PTBP1: variants seen among roughly 807,000 people sequenced by gnomAD.
PTBP1 encodes polypyrimidine tract binding protein 1.
A neutral mutation model predicts 59.8 loss-of-function variants in PTBP1; 8 were observed. The ratio of observed to expected loss-of-function variants is 0.13; its 90% confidence interval spans 0.08 to 0.24. The LOEUF is 0.24. PTBP1 is among the 10% of genes least tolerant of loss of function. PTBP1 has a pLI of 1.00. For missense variants in PTBP1, 686 were observed against 767.0 expected (o/e 0.89, Z 1.25); for synonymous variants, 490 against 320.7 (o/e 1.53, Z -5.64).
At chr19:803,763 C>T in intron 3 of PTBP1, 127 bp downstream of exon 3, 1 of 904,620 alleles carries the variant, frequency 1.1e-6, no homozygotes, top group Non-Finnish European at 1.7e-6. Context: ...GCTACAGACC[C>T]AGGTCCAAGT....
intron 13 of PTBP1, among the ~76,000 whole-genome samples, chr19:809,360 G>T (rs2034744078): frequency 6.6e-6 from 1 of 151,578 alleles, no homozygotes; most frequent in East Asian, 1.9e-4. Context: ...GTCACGCTCT[G>T]TCGCCCAGGC....
At chr19:806,943 A>G (rs1270308765) in intron 10 of PTBP1, 1 of 175,284 alleles carries the variant, frequency 5.7e-6, no homozygotes, top group Middle Eastern at 2.4e-3. Flanking sequence ...AGAGCCTGTC[A>G]CTTAACTGGT....
chr19:797,455 C>T lies in PTBP1; in HGVS notation c.-43C>T. The stretch of plus-strand genomic sequence containing the variant: ...AGCCGTTGGGTCGGTTCCTGCTATT[C>T]CGGCGCCTCCACTCCGTCCCCCGCG... On this transcript the variant is annotated 5_prime_UTR_variant, in exon 1 of 15. Transcript: ENST00000356948. 1 of 1,600,048 alleles carries T rather than the reference C, an allele frequency of 6.2e-7. No homozygotes were observed. Among genetic ancestry groups the T allele is most frequent in the Non-Finnish European group, 8.5e-7 (1 of 1,175,652 alleles).
chr19:806,401 T>C lies in PTBP1; in HGVS notation c.971-7T>C. ...GCCGCCGCTCATCTCACCTCCTGCT[T>C]TTCCAGGCCTTTCCGTTCCGAACGT... is the stretch of plus-strand genomic sequence containing the variant. On this transcript the variant is annotated splice_polypyrimidine_tract_variant and splice_region_variant and intron_variant, in intron 9 of 14. Coordinates refer to ENST00000356948, the MANE Select transcript of PTBP1 (RefSeq NM_002819.5). 6.3e-7 allele frequency: 1 copy of C among 1,597,650 alleles called. No homozygotes were observed. The highest frequency in any genetic ancestry group is 8.5e-7 in the Non-Finnish European group (1 of 1,172,980).
chr19:803,594 A>G lies in PTBP1; in HGVS notation c.73A>G (p.Thr25Ala), dbSNP rs535598760. Residue 25 changes from threonine to alanine, a missense_variant, in exon 3 of 15, where the codon ACT (threonine) becomes GCT (alanine). Thr to Ala is a moderately conservative substitution (Grantham distance 58). Transcript: ENST00000356948. ...GSDELFSTCV[T>A]NGPFIMSSNS... ...TGACGAGCTTTTCTCTACTTGTGTC[A>G]CTAACGGACCGTTTATCATGAGCAG... 2.5e-6 allele frequency: 4 copies of G among 1,614,112 alleles called. No individual in the cohort carries two copies. Among genetic ancestry groups the G allele is most frequent in the African/African-American group, 1.3e-5 (1 of 75,028 alleles).
At position 811,915 on chromosome 19, in the gene PTBP1, GCGC is replaced by G. The variant is rs2034896635; in HGVS notation, c.*1090_*1092del. ...TCTGATGCTGGGACCCGGAAGGCGG[GCGC>G]TCCTCCTGTCTTCTCTGTGCTCTTT... On this transcript the variant is annotated 3_prime_UTR_variant, in exon 15 of 15. Transcript: ENST00000356948. 1 of 127,658 alleles carries G rather than the reference GCGC, an allele frequency of 7.8e-6. No homozygotes were observed. The highest frequency in any genetic ancestry group is 2.7e-5 in the African/African-American group (1 of 37,376). The allele number at this position is 127,658 out of a possible 1,614,324, so 7.9% of individuals were successfully genotyped here.
chr19:802,711 T>C lies in PTBP1; in HGVS notation c.40-850T>C, dbSNP rs960642058. Among the ~76,000 whole-genome samples the C allele has an allele frequency of 3.3e-5, 5 of 152,224 alleles. No homozygotes were observed. The East Asian group carries it at 9.6e-4, about 29-fold the overall frequency. On this transcript the variant is annotated intron_variant, in intron 2 of 14. Transcript: ENST00000356948. Reference sequence around the variant, plus strand: ...TTGTTTTCTGTGTAACTAAGGGCCGTAACCAACGTCTCCTCCAATTTCACT... The same window carrying C: ...TTGTTTTCTGTGTAACTAAGGGCCGCAACCAACGTCTCCTCCAATTTCACT...
At chr19:803,153 C>A (rs2034410570) in intron 2 of PTBP1, among the ~76,000 whole-genome samples, 1 of 152,134 alleles carries the variant, frequency 6.6e-6, no homozygotes, top group Non-Finnish European at 1.5e-5. Context: ...GGGGGGCTGG[C>A]TCCATGGAGG....
Position 804,030 on chromosome 19 carries a change from T to C in PTBP1, c.116-6T>C. On this transcript the variant is annotated splice_region_variant and splice_polypyrimidine_tract_variant and intron_variant, in intron 3 of 14. Transcript: ENST00000356948. ...GTGCCTGCATCTCATGGCACCCCCT[T>C]TTCAGCAAACGGAAATGACAGCAAG... 6.2e-7 allele frequency: 1 copy of C among 1,613,872 alleles called. No individual in the cohort carries two copies. The highest frequency in any genetic ancestry group is 8.5e-7 in the Non-Finnish European group (1 of 1,179,968).
intron 2 of PTBP1, 40 bp downstream of exon 2, chr19:799,483 G>A: frequency 6.2e-7 from 1 of 1,610,400 alleles, no homozygotes; most frequent in Non-Finnish European, 8.5e-7. Context: ...ACGCTCCTCT[G>A]ACCTTGTGCC....
At chr19:800,660 C>T (rs373847768) in intron 2 of PTBP1, among the ~76,000 whole-genome samples, 13 of 152,316 alleles carry the variant, frequency 8.5e-5, no homozygotes, top group East Asian at 1.9e-4. Context: ...TGTCTTTACG[C>T]GCTGCCTGCC....
intron 13 of PTBP1, among the ~76,000 whole-genome samples, chr19:810,061 C>G (rs2034783729): frequency 6.6e-6 from 1 of 152,172 alleles, no homozygotes; most frequent in South Asian, 2.1e-4. Flanking sequence ...CATCCCAGCA[C>G]TTTAGGAGGC....
intron 10 of PTBP1, 32 bp downstream of exon 10, chr19:806,588 C>G (rs753361145): frequency 2.0e-6 from 3 of 1,468,072 alleles, no homozygotes; most frequent in African/African-American, 3.0e-5. Flanking sequence ...GCCGCCGTTC[C>G]TCCCGGAAGA....
At chr19:805,776 C>T (rs751454387) in intron 9 of PTBP1, 18 of 581,358 alleles carry the variant, frequency 3.1e-5, no homozygotes, top group Non-Finnish European at 4.9e-5. Flanking sequence ...CACGTGTGGA[C>T]GGCGCCAGCC....
rs779075102 is a variant in PTBP1 at position 797,478 on chromosome 19, G to A, written c.-20G>A. On this transcript the variant is annotated 5_prime_UTR_variant, in exon 1 of 15. Coordinates refer to ENST00000356948, the MANE Select transcript of PTBP1 (RefSeq NM_002819.5). ...TTCCGGCGCCTCCACTCCGTCCCCCGCGGGTCTGCTCTGTGTGCCATGGAC... is the reference window on the plus strand; with the variant it reads ...TTCCGGCGCCTCCACTCCGTCCCCCACGGGTCTGCTCTGTGTGCCATGGAC... 19 of 1,594,906 alleles carry A rather than the reference G, an allele frequency of 1.2e-5. No individual in the cohort carries two copies. The East Asian group carries it at 2.3e-4, about 19-fold the overall frequency.
In PTBP1 at chr19:806,471, C is replaced by G. The variant is rs1481853696; in HGVS notation, c.1034C>G (p.Ala345Gly). 1 of 1,593,354 alleles carries G rather than the reference C, an allele frequency of 6.3e-7. No homozygotes were observed. The highest frequency in any genetic ancestry group is 8.5e-7 in the Non-Finnish European group (1 of 1,170,968). Residue 345 changes from alanine (A) to glycine (G), a missense_variant, in exon 10 of 15, where the codon GCA (alanine) becomes GGA (glycine). Coordinates refer to ENST00000356948, the MANE Select transcript of PTBP1 (RefSeq NM_002819.5). ...APLAIPSAAA[A>G]AAAAGRIAIP... is the part of the protein sequence containing the mutation. ...CTGGCCATCCCCTCGGCGGCGGCGG[C>G]AGCTGCGGCGGCAGGTCGGATCGCC...
chr19:806,030 T>G (rs2034549624), intron 9 of PTBP1: 2 of 228,372 alleles, frequency 8.8e-6, no homozygotes, highest in Admixed American at 1.2e-4. Flanking sequence ...GAGCAGCGCG[T>G]GCCGCCCGGC....
At chr19:806,635 G>T in intron 10 of PTBP1, 79 bp downstream of exon 10, 1 of 1,355,344 alleles carries the variant, frequency 7.4e-7, no homozygotes, top group Admixed American at 3.4e-5. Flanking sequence ...TCGGGTCCCG[G>T]AGCAGCGCCG....
rs367970532 is a variant in PTBP1, at chr19:810,555, C to T, written c.1476C>T (p.Ser492=). 394 of 1,613,504 alleles carry T rather than the reference C, an allele frequency of 2.4e-4. No homozygotes were observed. The highest frequency in any genetic ancestry group is 6.0e-4 in the South Asian group (55 of 91,012). The change falls in exon 14 of 15, where the codon TCC becomes TCT. Residue 492 remains serine (S), a synonymous_variant. Coordinates refer to ENST00000356948, the MANE Select transcript of PTBP1 (RefSeq NM_002819.5). ...TCTCCTCCCACAGGCCCTCAGTCTCCGAGGAGGATCTCAAGGTCCTGTTTT... is the reference window on the plus strand; with the variant it reads ...TCTCCTCCCACAGGCCCTCAGTCTCTGAGGAGGATCTCAAGGTCCTGTTTT... ...LHLSNIPPSV[S]EEDLKVLFSS... is the part of the protein sequence containing the mutation.
Sources: gnomAD v4.1 joint callset for allele counts (sites outside exome capture counted in the v4.1 genomes callset) on GRCh38, gnomAD v4.1.1 for gene constraint, MANE v1.5 for transcripts, NCBI Gene and HGNC (gene_info 2026-07-23, HGNC 2026-07-21) for gene names.